The following ZNF385D variants were observed in gnomAD, a reference collection of about 807,000 sequenced individuals.
ZNF385D encodes the protein zinc finger protein 659.
A neutral mutation model predicts 35.8 loss-of-function variants in ZNF385D; 15 were observed. The ratio of observed to expected loss-of-function variants is 0.42; its 90% CI spans 0.28 to 0.64. The LOEUF (loss-of-function observed/expected upper bound fraction) is 0.64. Ranked by LOEUF, ZNF385D falls within the 30% of genes least tolerant of loss-of-function variation. The pLI is 0.23. For synonymous variants in ZNF385D, 212 were observed against 186.8 expected, an observed-to-expected ratio of 1.13 and a Z score of -1.10; for missense variants, 474 against 494.6, an observed-to-expected ratio of 0.96 and a Z score of 0.39.
intron 3 of ZNF385D, among the ~76,000 whole-genome samples, chr3:21,757,920 T>G (rs961869393): frequency 1.3e-5 from 2 of 152,308 alleles, no homozygotes; most frequent in African/African-American, 4.8e-5. Context: ...AAATATATGT[T>G]GAGTGAATAA....
At chr3:22,032,896 T>C in intron 3 of ZNF385D, among the ~76,000 whole-genome samples, 1 of 152,278 alleles carries the variant, frequency 6.6e-6, no homozygotes, top group Middle Eastern at 3.4e-3. Context: ...TTGAGAGTAC[T>C]GAGGCACAGA....
At chr3:21,424,126 T>TA in intron 6 of ZNF385D, 62 bp from the exon 7 acceptor site, 1 of 1,430,432 alleles carries the variant, frequency 7.0e-7, no homozygotes, top group South Asian at 1.3e-5. Flanking sequence ...CTCTCACAAA[T>TA]ATTGCTTTAA....
At chr3:21,804,512 G>C (rs1244022862) in intron 3 of ZNF385D, among the ~76,000 whole-genome samples, 1 of 152,144 alleles carries the variant, frequency 6.6e-6, no homozygotes, top group Non-Finnish European at 1.5e-5. Flanking sequence ...AGCAGAGGGA[G>C]TGATATTTCT....
At chr3:22,267,425 AT>A (rs763026967) in intron 2 of ZNF385D, among the ~76,000 whole-genome samples, 34 of 151,980 alleles carry the variant, frequency 2.2e-4, no homozygotes, top group South Asian at 8.3e-4. Context: ...TGAAAAAAAA[AT>A]ATAAGGTAAA....
At chr3:22,034,787 C>G (rs1698210781) in intron 3 of ZNF385D, among the ~76,000 whole-genome samples, 1 of 151,932 alleles carries the variant, frequency 6.6e-6, no homozygotes, top group African/African-American at 2.4e-5. Flanking sequence ...CATGGTAGAA[C>G]AGCAATAATG....
chr3:22,154,721 C>T (rs922289547), intron 3 of ZNF385D, among the ~76,000 whole-genome samples: 5 of 152,160 alleles, frequency 3.3e-5, no homozygotes, highest in African/African-American at 9.7e-5. Context: ...TAATTTTTAA[C>T]ATCTTCCCAA....
chr3:21,620,614 T>A (rs2064976986), intron 2 of ZNF385D, among the ~76,000 whole-genome samples: 1 of 152,164 alleles, frequency 6.6e-6, no homozygotes, highest in South Asian at 2.1e-4. Flanking sequence ...TCAGGCAAGA[T>A]ATTTCAATCT....
intron 3 of ZNF385D, among the ~76,000 whole-genome samples, chr3:21,972,885 T>A (rs553073239): frequency 3.3e-5 from 5 of 151,912 alleles, no homozygotes; most frequent in Non-Finnish European, 4.4e-5. Flanking sequence ...ATCCAAAACC[T>A]GAATCGATGA....
At chr3:22,016,209 G>C (rs752092606) in intron 3 of ZNF385D, among the ~76,000 whole-genome samples, 2 of 151,090 alleles carry the variant, frequency 1.3e-5, no homozygotes, top group Admixed American at 1.3e-4. Flanking sequence ...AATGTCTGGA[G>C]ATGTTTTTGC....
chr3:21,875,916 G>A (rs1227024158), intron 3 of ZNF385D, among the ~76,000 whole-genome samples: 1 of 151,986 alleles, frequency 6.6e-6, no homozygotes, highest in Non-Finnish European at 1.5e-5. Context: ...ATTGCAACTA[G>A]GCATTTAGAA....
chr3:21,727,125 AAAACTG>A (rs2068798204), intron 1 of ZNF385D, among the ~76,000 whole-genome samples: 1 of 152,214 alleles, frequency 6.6e-6, no homozygotes, highest in African/African-American at 2.4e-5. Flanking sequence ...CTATATGCAG[AAAACTG>A]AAACTGGACC....
At chr3:21,713,248 C>T (rs1267753539) in intron 1 of ZNF385D, among the ~76,000 whole-genome samples, 1 of 152,198 alleles carries the variant, frequency 6.6e-6, no homozygotes, top group African/African-American at 2.4e-5. Flanking sequence ...AAGTTCCAAA[C>T]TATAAAAAGA....
At chr3:21,613,406 G>C (rs1352709608) in intron 2 of ZNF385D, among the ~76,000 whole-genome samples, 3 of 143,280 alleles carry the variant, frequency 2.1e-5, no homozygotes, top group South Asian at 2.2e-4. Context: ...GGCGGTTTTA[G>C]AAAAAAAAAA....
chr3:22,308,166 A>C (rs1461072384), intron 2 of ZNF385D, among the ~76,000 whole-genome samples: 1 of 152,106 alleles, frequency 6.6e-6, no homozygotes, highest in Non-Finnish European at 1.5e-5. Context: ...TTAAAGCACA[A>C]AGACAATCTA....
intron 4 of ZNF385D, among the ~76,000 whole-genome samples, chr3:21,447,008 C>T (rs1210626831): frequency 1.3e-5 from 2 of 152,140 alleles, no homozygotes; most frequent in Non-Finnish European, 2.9e-5. Flanking sequence ...ACTTTGTTCA[C>T]AGATGTTTAG....
intron 2 of ZNF385D, among the ~76,000 whole-genome samples, chr3:22,226,054 T>C (rs1283554909): frequency 2.6e-5 from 4 of 152,010 alleles, no homozygotes; most frequent in African/African-American, 9.7e-5. Flanking sequence ...GTACCTTCAC[T>C]GTAGGACTCA....
intron 3 of ZNF385D, among the ~76,000 whole-genome samples, chr3:22,001,969 T>C (rs1695870195): frequency 1.3e-5 from 2 of 151,886 alleles, no homozygotes; most frequent in Non-Finnish European, 2.9e-5. Flanking sequence ...TTTATCACAA[T>C]AAATGGCTAT....
chr3:22,127,787 C>G (rs1703524414), intron 3 of ZNF385D, among the ~76,000 whole-genome samples: 1 of 152,148 alleles, frequency 6.6e-6, no homozygotes, highest in African/African-American at 2.4e-5. Flanking sequence ...ACATTCTACA[C>G]TTTAACTTCA....
At chr3:21,887,178 C>T (rs185116699) in intron 3 of ZNF385D, among the ~76,000 whole-genome samples, 231 of 152,160 alleles carry the variant, frequency 1.5e-3, no homozygotes, top group African/African-American at 4.1e-3. Flanking sequence ...AATGGATTTC[C>T]GTAGTTTGTG....
Sources: allele counts gnomAD v4.1 joint callset (sites outside exome capture counted in the v4.1 genomes callset), GRCh38; gene constraint gnomAD v4.1.1; transcripts MANE v1.5; gene names NCBI Gene and HGNC (gene_info 2026-07-23, HGNC 2026-07-21).